The following CD96 variants were observed in gnomAD, a reference collection of about 807,000 sequenced individuals.
The protein encoded by CD96 is CD96 molecule.
In CD96, 70 loss-of-function variants were observed where a neutral mutation model predicts 71.3. The ratio of observed to expected loss-of-function variants is 0.98; its 90% CI spans 0.81 to 1.20. The LOEUF is 1.20. Among genes scored for constraint, CD96 ranks in the 50% most tolerant of loss-of-function variants. The pLI is 0.00. For synonymous variants in CD96, 248 were observed against 233.0 expected (o/e 1.06, Z -0.59); for missense variants, 742 against 677.5 (o/e 1.10, Z -1.06).
chr3:111,655,159 T>C (rs569460023), downstream of CD96, among the ~76,000 whole-genome samples: 1 of 152,364 alleles, frequency 6.6e-6, no homozygotes, highest in East Asian at 1.9e-4. Context: ...GCCATTGCAC[T>C]GATTCAAAGG....
intron 9 of CD96, 37 bp from the exon 10 acceptor site, chr3:111,624,296 A>G (rs1030799066): frequency 2.1e-6 from 3 of 1,426,730 alleles, no homozygotes; most frequent in Non-Finnish European, 3.0e-6. Context: ...ACAGCTTTCG[A>G]AAAAAGCTGG....
At chr3:111,584,086 C>T (rs1330285983) in intron 4 of CD96, among the ~76,000 whole-genome samples, 2 of 152,192 alleles carry the variant, frequency 1.3e-5, no homozygotes, top group East Asian at 3.9e-4. Flanking sequence ...CTCTCGAATG[C>T]TTTGCTGCTT....
intron 2 of CD96, among the ~76,000 whole-genome samples, chr3:111,548,239 T>C (rs1025539930): frequency 3.9e-5 from 6 of 152,188 alleles, no homozygotes; most frequent in African/African-American, 1.4e-4. Flanking sequence ...TTCTTTTCTG[T>C]TGCTGTTTGA....
At chr3:111,567,123 G>A (rs1935752262) in intron 2 of CD96, among the ~76,000 whole-genome samples, 1 of 152,114 alleles carries the variant, frequency 6.6e-6, no homozygotes, top group Non-Finnish European at 1.5e-5. Context: ...CAATTTTGCT[G>A]TGAACCTAAA....
intron 8 of CD96, among the ~76,000 whole-genome samples, chr3:111,620,979 T>C (rs1468404748): frequency 1.3e-5 from 2 of 152,248 alleles, no homozygotes; most frequent in Non-Finnish European, 2.9e-5. Flanking sequence ...GTCATTTTAA[T>C]ATAAATGAAA....
downstream of CD96, among the ~76,000 whole-genome samples, chr3:111,656,453 TC>T (rs1490810015): frequency 1.3e-5 from 2 of 152,198 alleles, no homozygotes; most frequent in African/African-American, 4.8e-5. Flanking sequence ...TATGATGATA[TC>T]TAACAAAACT....
chr3:111,588,162 A>C (rs1487337092), intron 5 of CD96, among the ~76,000 whole-genome samples: 2 of 152,140 alleles, frequency 1.3e-5, no homozygotes, highest in Non-Finnish European at 2.9e-5. Flanking sequence ...ATCTTTTGAA[A>C]CTGAATGCCT....
At chr3:111,625,968 C>G (rs1938729049) in intron 10 of CD96, among the ~76,000 whole-genome samples, 1 of 152,068 alleles carries the variant, frequency 6.6e-6, no homozygotes, top group Non-Finnish European at 1.5e-5. Context: ...AAAAGTCACA[C>G]CACAAAACAT....
chr3:111,578,488 G>T (rs985836722), intron 3 of CD96, among the ~76,000 whole-genome samples: 1 of 152,178 alleles, frequency 6.6e-6, no homozygotes, highest in Non-Finnish European at 1.5e-5. Context: ...ATTTAAGGAG[G>T]TACTCACTGT....
chr3:111,603,517 T>C (rs2107656980), intron 7 of CD96, among the ~76,000 whole-genome samples: 1 of 152,308 alleles, frequency 6.6e-6, no homozygotes, highest in Admixed American at 6.5e-5. Flanking sequence ...AGTCTATTTC[T>C]GGCAGATTTG....
intron 8 of CD96, among the ~76,000 whole-genome samples, chr3:111,619,707 A>C (rs780544679): frequency 2.6e-5 from 4 of 152,188 alleles, no homozygotes; most frequent in Non-Finnish European, 4.4e-5. Flanking sequence ...AATCTTTCAA[A>C]AACATGGCTA....
At chr3:111,664,679 A>C (rs1336274774) in intron 14 of CD96, among the ~76,000 whole-genome samples, 1 of 152,214 alleles carries the variant, frequency 6.6e-6, no homozygotes, top group Non-Finnish European at 1.5e-5. Flanking sequence ...TAAACAAAAA[A>C]AAGGTATATT....
At chr3:111,551,075 T>C (rs1934676701) in intron 2 of CD96, among the ~76,000 whole-genome samples, 1 of 152,070 alleles carries the variant, frequency 6.6e-6, no homozygotes, top group Non-Finnish European at 1.5e-5. Context: ...AAAATAAAGC[T>C]GGTGATTTGG....
At chr3:111,560,149 T>C (rs1409194316) in intron 2 of CD96, among the ~76,000 whole-genome samples, 5 of 151,662 alleles carry the variant, frequency 3.3e-5, no homozygotes, top group African/African-American at 4.8e-5. Context: ...TGATGGGTCT[T>C]GACTCTTTAT....
At chr3:111,591,738 T>C (rs1010552999) in intron 5 of CD96, among the ~76,000 whole-genome samples, 2 of 152,170 alleles carry the variant, frequency 1.3e-5, no homozygotes, top group South Asian at 2.1e-4. Context: ...GGAGACCACA[T>C]GACAAATGAA....
chr3:111,548,627 T>TA (rs1462212934), intron 2 of CD96, among the ~76,000 whole-genome samples: 1 of 152,202 alleles, frequency 6.6e-6, no homozygotes, highest in Non-Finnish European at 1.5e-5. Context: ...AGATCAGTTA[T>TA]AAGAGTATAA....
At position 111,583,189 on chromosome 3, in the gene CD96, G is replaced by A. The variant is rs553333302; in HGVS notation, c.752-2134G>A. Among the ~76,000 whole-genome samples the A allele has an allele frequency of 7.8e-4, 119 of 152,260 alleles. 1 individual carries two copies. Among genetic ancestry groups the A allele is most frequent in the African/African-American group, 2.7e-3 (113 of 41,548 alleles). On this transcript the variant is annotated intron_variant, in intron 4 of 13. Coordinates refer to ENST00000352690, the MANE Select transcript of CD96 (RefSeq NM_005816.5). ...CCCATGCAAGTCCAAAATCCAAAAG[G>A]GCAGTCAAATCTTAAAGTTCCAAAA...
At chr3:111,589,183 C>T (rs2107613365) in intron 5 of CD96, among the ~76,000 whole-genome samples, 1 of 152,158 alleles carries the variant, frequency 6.6e-6, no homozygotes, top group African/African-American at 2.4e-5. Flanking sequence ...ATGCCCTGAC[C>T]TCGTGATCCG....
chr3:111,620,846 C>T (rs531944264), intron 8 of CD96, among the ~76,000 whole-genome samples: 90 of 152,336 alleles, frequency 5.9e-4, no homozygotes, highest in African/African-American at 2.0e-3. Flanking sequence ...TCTCCCCCAA[C>T]AAGGTCCCTA....
Sources: allele counts gnomAD v4.1 joint callset (sites outside exome capture counted in the v4.1 genomes callset), GRCh38; gene constraint gnomAD v4.1.1; transcripts MANE v1.5; gene names NCBI Gene and HGNC (gene_info 2026-07-23, HGNC 2026-07-21).